Variants in PRKCE observed in about 807,000 individuals in gnomAD.
PRKCE encodes the protein protein kinase C epsilon type.
In PRKCE, 16 loss-of-function variants were observed where a neutral mutation model predicts 85.4. The observed-to-expected ratio is 0.19, with a 90% confidence interval of 0.13 to 0.28. The LOEUF (loss-of-function observed/expected upper bound fraction) is 0.28. Among genes scored for constraint, PRKCE ranks in the 10% least tolerant of loss-of-function variants. The pLI is 1.00. For synonymous variants in PRKCE, 388 were observed against 371.5 expected, an observed-to-expected ratio of 1.04 and a Z score of -0.51; for missense variants, 573 against 975.2, an observed-to-expected ratio of 0.59 and a Z score of 5.49.
At chr2:45,716,874 C>T (rs1001310844) in intron 1 of PRKCE, among the ~76,000 whole-genome samples, 2 of 152,158 alleles carry the variant, frequency 1.3e-5, no homozygotes, top group African/African-American at 4.8e-5. Flanking sequence ...CTTCATGTGG[C>T]AGCAGAAAGG....
intron 2 of PRKCE, among the ~76,000 whole-genome samples, chr2:45,873,473 A>C (rs2105766115): frequency 6.6e-6 from 1 of 152,182 alleles, no homozygotes; most frequent in Non-Finnish European, 1.5e-5. Context: ...AAAAAAAAAA[A>C]AAACAAAAAA....
At position 45,800,785 on chromosome 2, in the gene PRKCE, G is replaced by T. The variant is rs560640575; in HGVS notation, c.349-42215G>T. Among the ~76,000 whole-genome samples the T allele has an allele frequency of 5.3e-5, 8 of 152,296 alleles. No homozygotes were observed. The South Asian group carries it at 6.2e-4, about 12-fold the overall frequency. ...CTAACAGTAGAGCTGGCTTCCTTCG[G>T]CCCGTAAATCTTCACTAATTATCTC... On this transcript the variant is annotated intron_variant, in intron 1 of 14. Coordinates refer to ENST00000306156, the MANE Select transcript of PRKCE (RefSeq NM_005400.3).
At position 46,145,135 on chromosome 2, in the gene PRKCE, C is replaced by T. The variant is rs1294851820; in HGVS notation, c.1635C>T (p.His545=). The T allele has an allele frequency of 6.3e-7, 1 of 1,599,634 alleles. No homozygotes were observed. Among genetic ancestry groups the T allele is most frequent in the African/African-American group, 1.3e-5 (1 of 74,932 alleles). Residue 545 remains histidine, a synonymous_variant, in exon 12 of 15, where the codon CAC becomes CAT. Coordinates refer to ENST00000306156, the MANE Select transcript of PRKCE (RefSeq NM_005400.3). This position sits in a 1 kb window ranked among gnomAD's most constrained non-coding sequence, Gnocchi z 4.6. ...ACATCCTTCTGGATGCAGAAGGTCA[C>T]TGCAAGCTGGCTGACTTCGGGATGT... The part of the protein sequence containing the change: ...LDNILLDAEG[H]CKLADFGMCK...
chr2:45,772,675 G>A (rs1685435384), intron 1 of PRKCE, among the ~76,000 whole-genome samples: 1 of 152,144 alleles, frequency 6.6e-6, no homozygotes, highest in African/African-American at 2.4e-5. Flanking sequence ...GCTGCTTACT[G>A]AAGAGATGTG....
intron 6 of PRKCE, among the ~76,000 whole-genome samples, chr2:45,992,429 G>A (rs1031624882): frequency 6.6e-6 from 1 of 152,112 alleles, no homozygotes; most frequent in Non-Finnish European, 1.5e-5. Flanking sequence ...ACCCCAGGGG[G>A]GCATCCCTCT....
chr2:46,028,410 G>C (rs1344945895), intron 10 of PRKCE, among the ~76,000 whole-genome samples: 1 of 152,190 alleles, frequency 6.6e-6, no homozygotes, highest in African/African-American at 2.4e-5. Flanking sequence ...TTGGCAGTTT[G>C]TATTATGAAA....
At chr2:45,709,596 A>G (rs1434798848) in intron 1 of PRKCE, among the ~76,000 whole-genome samples, 1 of 152,214 alleles carries the variant, frequency 6.6e-6, no homozygotes, top group Non-Finnish European at 1.5e-5. Context: ...TTCCAAGGCT[A>G]TGGTTCTGCC....
At chr2:45,886,074 G>C (rs1045570560) in intron 2 of PRKCE, among the ~76,000 whole-genome samples, 9 of 152,220 alleles carry the variant, frequency 5.9e-5, no homozygotes, top group Non-Finnish European at 1.2e-4. Context: ...TACCTGGGCT[G>C]TCTTGCCACT....
At chr2:45,713,551 A>T (rs1244341312) in intron 1 of PRKCE, among the ~76,000 whole-genome samples, 1 of 152,160 alleles carries the variant, frequency 6.6e-6, no homozygotes, top group Non-Finnish European at 1.5e-5. Context: ...GATGGTATTA[A>T]AGCAATTTTA....
intron 2 of PRKCE, among the ~76,000 whole-genome samples, chr2:45,933,640 A>AT (rs1215495895): frequency 7.3e-5 from 11 of 150,898 alleles, no homozygotes; most frequent in Admixed American, 5.9e-4. Flanking sequence ...GGCACAGTTA[A>AT]TTTTTTTTTG....
intron 11 of PRKCE, among the ~76,000 whole-genome samples, chr2:46,094,204 C>G (rs757474302): frequency 1.3e-5 from 2 of 152,182 alleles, no homozygotes; most frequent in Admixed American, 6.5e-5. Context: ...CCTGGGATCC[C>G]ACTTCACTTT....
chr2:46,131,378 TG>T lies in PRKCE; in HGVS notation c.1593-13710del, dbSNP rs548468621. Among the ~76,000 whole-genome samples, 174 of 152,308 alleles carry T rather than the reference TG, an allele frequency of 1.1e-3. 1 individual carries two copies. The highest frequency in any genetic ancestry group is 4.0e-3 in the African/African-American group (165 of 41,574). ...TTCTGATACATCTCTGCAAGTTCCC[TG>T]GGGGAAGTTACATATCAAGCCATAA... On this transcript the variant is annotated intron_variant, in intron 11 of 14. Transcript: ENST00000306156.
At chr2:45,812,061 A>G (rs7567260) in intron 1 of PRKCE, among the ~76,000 whole-genome samples, 80,289 of 151,936 alleles carry the variant, frequency 0.53, 21,766 homozygotes, top group Non-Finnish European at 0.56. Flanking sequence ...AAGAGTTAAG[A>G]AACCTGGGTT....
intron 11 of PRKCE, among the ~76,000 whole-genome samples, chr2:46,090,018 C>T (rs753504259): frequency 4.6e-4 from 70 of 152,114 alleles, no homozygotes; most frequent in African/African-American, 1.6e-3. Context: ...AAATACAGAT[C>T]CTATAATACT....
intron 2 of PRKCE, among the ~76,000 whole-genome samples, chr2:45,846,474 T>C (rs918977843): frequency 6.6e-6 from 1 of 152,140 alleles, no homozygotes; most frequent in African/African-American, 2.4e-5. Context: ...CATTGGTATG[T>C]TTGGATCACC....
At chr2:45,687,347 C>T (rs1345370807) in intron 1 of PRKCE, among the ~76,000 whole-genome samples, 1 of 151,904 alleles carries the variant, frequency 6.6e-6, no homozygotes, top group Non-Finnish European at 1.5e-5. Context: ...ATACATGACT[C>T]TTAAATATAC....
chr2:45,945,643 A>G (rs1700193765), intron 2 of PRKCE, among the ~76,000 whole-genome samples: 1 of 152,198 alleles, frequency 6.6e-6, no homozygotes, highest in Non-Finnish European at 1.5e-5. Flanking sequence ...AGTGCTTTCC[A>G]TGAGCTATCA....
intron 1 of PRKCE, among the ~76,000 whole-genome samples, chr2:45,755,956 G>A (rs961476898): frequency 6.6e-6 from 1 of 152,214 alleles, no homozygotes; most frequent in African/African-American, 2.4e-5. Flanking sequence ...AGTGGATTCC[G>A]TGTTGGGAGG....
chr2:45,994,430 T>A (rs956246826), intron 6 of PRKCE, among the ~76,000 whole-genome samples: 1 of 152,208 alleles, frequency 6.6e-6, no homozygotes, highest in Non-Finnish European at 1.5e-5. Flanking sequence ...AAATCCTCTG[T>A]GTTCTGCTTC....
Sources: gnomAD v4.1 joint callset for allele counts (sites outside exome capture counted in the v4.1 genomes callset) on GRCh38, gnomAD v4.1.1 for gene constraint, Gnocchi (gnomAD v3.1) non-coding constraint, MANE v1.5 for transcripts, NCBI Gene and HGNC (gene_info 2026-07-23, HGNC 2026-07-21) for gene names.